Variants in TMEM169 observed in about 807,000 individuals in gnomAD.
TMEM169 encodes transmembrane protein 169.
TMEM169 carries 18 observed loss-of-function variants against 27.3 expected under a neutral mutation model. The ratio of observed to expected loss-of-function variants is 0.66; its 90% CI spans 0.46 to 0.98. The LOEUF (loss-of-function observed/expected upper bound fraction) is 0.98. Ranked by LOEUF, TMEM169 falls within the 50% of genes least tolerant of loss-of-function variation. The probability of loss-of-function intolerance (pLI) is 0.00; values close to 1 mark genes in which losing one functional copy is unlikely to be tolerated. For missense variants in TMEM169, 320 were observed against 368.6 expected, an observed-to-expected ratio of 0.87 and a Z score of 1.08; for synonymous variants, 136 against 142.1, an observed-to-expected ratio of 0.96 and a Z score of 0.30.
Position 216,096,181 on chromosome 2 carries a change from A to G in TMEM169, c.218A>G (p.Asp73Gly), listed in dbSNP as rs753343321. The G allele has an allele frequency of 1.2e-5, 19 of 1,614,074 alleles. No individual in the cohort carries two copies. In the South Asian group the frequency reaches 1.9e-4, roughly 16 times the overall value. The part of the protein sequence containing the change: ...DEEPGESEGG[D>G]QPKEEEGDDF... ...GAGCCCGGAGAATCAGAAGGTGGAG[A>G]TCAGCCTAAAGAGGAGGAGGGAGAT... The change falls in exon 2 of 3, where the codon GAT (aspartate) becomes GGT (glycine). Residue 73 changes from aspartate to glycine, a missense_variant. Coordinates refer to ENST00000437356, the MANE Select transcript of TMEM169 (RefSeq NM_001142311.2).
chr2:216,093,651 C>CG (rs1267671510), intron 1 of TMEM169, among the ~76,000 whole-genome samples: 2 of 151,998 alleles, frequency 1.3e-5, no homozygotes, highest in Non-Finnish European at 2.9e-5. Flanking sequence ...CAACATCTGC[C>CG]AATCCAATGG....
intron 1 of TMEM169, among the ~76,000 whole-genome samples, chr2:216,088,844 C>T (rs1447305777): frequency 2.0e-5 from 3 of 151,958 alleles, no homozygotes; most frequent in South Asian, 2.1e-4. Flanking sequence ...CCTTTTTTCT[C>T]GGTAACACTG....
intron 1 of TMEM169, among the ~76,000 whole-genome samples, chr2:216,085,858 T>A (rs1278038168): frequency 7.0e-6 from 1 of 143,720 alleles, no homozygotes; most frequent in Non-Finnish European, 1.5e-5. Context: ...GCAACAAGAG[T>A]GAAACTCCAT....
chr2:216,091,740 C>G (rs909357516), intron 1 of TMEM169, among the ~76,000 whole-genome samples: 1 of 152,086 alleles, frequency 6.6e-6, no homozygotes, highest in Admixed American at 6.6e-5. Flanking sequence ...TGTTTATAAG[C>G]TACCTAGTCT....
chr2:216,095,888 T>A lies in TMEM169; in HGVS notation c.-76T>A. The A allele has an allele frequency of 2.0e-6, 3 of 1,509,766 alleles. No individual in the cohort carries two copies. The Admixed American group carries it at 6.2e-5, about 31-fold the overall frequency. The allele number at this position is 1,509,766 out of a possible 1,614,324, so 93.5% of individuals were successfully genotyped here. ...TGCATAGCCCCATCTAGGAAGAAGTTCTGTGATGTGTGAACTGTGAGTTTA... is the reference window on the plus strand; with the variant it reads ...TGCATAGCCCCATCTAGGAAGAAGTACTGTGATGTGTGAACTGTGAGTTTA... On this transcript the variant is annotated 5_prime_UTR_variant, in exon 2 of 3. Transcript: ENST00000437356.
chr2:216,100,748 C>G lies in TMEM169; in HGVS notation c.*206C>G. The G allele has an allele frequency of 1.5e-6, 1 of 648,122 alleles. No individual in the cohort carries two copies. Among genetic ancestry groups the G allele is most frequent in the African/African-American group, 1.8e-5 (1 of 54,732 alleles). The allele number at this position is 648,122 out of a possible 1,614,324, so 40.1% of individuals were successfully genotyped here. On this transcript the variant is annotated 3_prime_UTR_variant, in exon 3 of 3. Transcript: ENST00000437356. The stretch of plus-strand genomic sequence containing the variant: ...GTGCCAAAGCAGTTCACCCAATGGA[C>G]AAACTCTTTTTGATTCCCTGCCCTA...
intron 1 of TMEM169, among the ~76,000 whole-genome samples, chr2:216,094,950 C>T (rs1323968618): frequency 6.6e-6 from 1 of 152,082 alleles, no homozygotes; most frequent in Non-Finnish European, 1.5e-5. Context: ...AGACAGATTT[C>T]CTTTACAGAA....
At chr2:216,086,420 G>A (rs17548270) in intron 1 of TMEM169, among the ~76,000 whole-genome samples, 14,293 of 152,160 alleles carry the variant, frequency 0.094, 953 homozygotes, top group Non-Finnish European at 0.15. Context: ...TTAACTGCCA[G>A]AGAAAAGAAC....
At chr2:216,086,864 G>A (rs541640508) in intron 1 of TMEM169, among the ~76,000 whole-genome samples, 1 of 152,356 alleles carries the variant, frequency 6.6e-6, no homozygotes, top group South Asian at 2.1e-4. Flanking sequence ...AGTATTAAGT[G>A]TATGGTTCAG....
At chr2:216,095,060 C>T (rs563837684) in intron 1 of TMEM169, among the ~76,000 whole-genome samples, 3 of 150,252 alleles carry the variant, frequency 2.0e-5, no homozygotes, top group Middle Eastern at 3.4e-3. Flanking sequence ...GATTCAATAG[C>T]CAGAAGTCTG....
At position 216,100,294 on chromosome 2, in the gene TMEM169, G is replaced by T. The variant is rs747642228; in HGVS notation, c.646G>T (p.Val216Leu). 168 of 1,613,630 alleles carry T rather than the reference G, an allele frequency of 1.0e-4. No individual in the cohort carries two copies. The highest frequency in any genetic ancestry group is 1.4e-4 in the Non-Finnish European group (163 of 1,179,970). Residue 216 changes from valine to leucine, a missense_variant, in exon 3 of 3, where the codon GTG becomes TTG. Transcript: ENST00000437356. ...YCPCLVLFYP[V>L]LIMAMASSLG... ...CCCTTGCCTCGTTCTCTTCTATCCA[G>T]TGCTCATCATGGCCATGGCTTCTTC...
rs1426413966 is a variant in TMEM169 at position 216,099,533 on chromosome 2, G to T, written c.272-387G>T. ...AAGGTGGTGGCCGTCCATCAGTCCA[G>T]TATCTTCACAGCACTTGTTACCTAG... On this transcript the variant is annotated intron_variant, in intron 2 of 2. Transcript: ENST00000437356. The surrounding 1 kb of genome is among the most constrained non-coding windows in gnomAD (Gnocchi z 5.0). Among the ~76,000 whole-genome samples the T allele has an allele frequency of 6.6e-6, 1 of 152,030 alleles. No homozygotes were observed. Among genetic ancestry groups the T allele is most frequent in the East Asian group, 1.9e-4 (1 of 5,200 alleles).
rs938976305 is a variant in TMEM169 at position 216,099,236 on chromosome 2, T to C, written c.272-684T>C. On this transcript the variant is annotated intron_variant, in intron 2 of 2. Transcript: ENST00000437356. The surrounding 1 kb of genome is among the most constrained non-coding windows in gnomAD (Gnocchi z 5.0). Reference sequence around the variant, plus strand: ...TATGTATGGTGTTTGGTATATGTGGTGTGGGTATGTGGTGTGTATGTGGTA... The same window carrying C: ...TATGTATGGTGTTTGGTATATGTGGCGTGGGTATGTGGTGTGTATGTGGTA... Among the ~76,000 whole-genome samples, 3 of 150,844 alleles carry C rather than the reference T, an allele frequency of 2.0e-5. No homozygotes were observed. The highest frequency in any genetic ancestry group is 7.3e-5 in the African/African-American group (3 of 41,050).
intron 2 of TMEM169, among the ~76,000 whole-genome samples, chr2:216,097,754 A>G (rs1444875939): frequency 6.6e-6 from 1 of 152,176 alleles, no homozygotes; most frequent in Non-Finnish European, 1.5e-5. Flanking sequence ...CAAATAAAAG[A>G]TACTTTCAGG....
intron 1 of TMEM169, among the ~76,000 whole-genome samples, chr2:216,086,124 G>A (rs1300987162): frequency 6.6e-6 from 1 of 151,938 alleles, no homozygotes; most frequent in Non-Finnish European, 1.5e-5. Context: ...GAGTGCGGTG[G>A]TGTGATCTTG....
rs1696352796 is a variant in TMEM169 at position 216,100,053 on chromosome 2, T to C, written c.405T>C (p.Pro135=). The change falls in exon 3 of 3, where the codon CCT becomes CCC. Residue 135 remains proline, a synonymous_variant. Transcript: ENST00000437356. ...AAGAGCTGCAGGAACTGACCAAACCTAAAGAGTCATCAAGGGAAACGACGC... is the reference window on the plus strand; with the variant it reads ...AAGAGCTGCAGGAACTGACCAAACCCAAAGAGTCATCAAGGGAAACGACGC... ...TEKELQELTK[P]KESSRETTPE... is the part of the protein sequence containing the mutation. 1 of 1,614,052 alleles carries C rather than the reference T, an allele frequency of 6.2e-7. No individual in the cohort carries two copies. The highest frequency in any genetic ancestry group is 1.7e-5 in the Admixed American group (1 of 60,006).
In TMEM169 at chr2:216,100,123, C is replaced by CA. The variant is rs754202950; in HGVS notation, c.476dup (p.His159GlnfsTer37). ...CCAGATGGGAGCTGACCGTGGGCCC[C>CA]ATGTGGTCCTCTGGACGCTGATCTG... is the stretch of plus-strand genomic sequence containing the variant. On this transcript the variant is annotated frameshift_variant, in exon 3 of 3. Coordinates refer to ENST00000437356, the MANE Select transcript of TMEM169 (RefSeq NM_001142311.2). LOFTEE classifies it high-confidence loss of function. 2 of 1,614,170 alleles carry CA rather than the reference C, an allele frequency of 1.2e-6. No homozygotes were observed. The highest frequency in any genetic ancestry group is 8.5e-7 in the Non-Finnish European group (1 of 1,180,036).
chr2:216,094,643 A>G (rs186707512), intron 1 of TMEM169, among the ~76,000 whole-genome samples: 34 of 152,296 alleles, frequency 2.2e-4, no homozygotes, highest in Admixed American at 5.2e-4. Flanking sequence ...ATTGATCAAG[A>G]CTTTCTATTT....
At chr2:216,094,685 AAC>A (rs1304690580) in intron 1 of TMEM169, among the ~76,000 whole-genome samples, 9 of 152,322 alleles carry the variant, frequency 5.9e-5, no homozygotes, top group African/African-American at 2.2e-4. Context: ...AGTTCAGAGG[AAC>A]ACACTGTGGG....
Sources: allele counts gnomAD v4.1 joint callset (sites outside exome capture counted in the v4.1 genomes callset), GRCh38; gene constraint gnomAD v4.1.1; non-coding constraint Gnocchi (gnomAD v3.1); transcripts MANE v1.5; gene names NCBI Gene and HGNC (gene_info 2026-07-23, HGNC 2026-07-21).